Variants in STRBP observed in about 807,000 individuals in gnomAD.
The protein encoded by STRBP is spermatid perinuclear RNA binding protein, also known as spermatid perinuclear RNA-binding protein.
In STRBP, 13 loss-of-function variants were observed where a neutral mutation model predicts 80.1. That is an observed-to-expected ratio of 0.16 (90% CI 0.11 to 0.26). The LOEUF (loss-of-function observed/expected upper bound fraction) is 0.26, where lower values mean the gene tolerates loss of function less well. STRBP is among the 10% of genes least tolerant of loss of function. STRBP has a pLI of 1.00. For missense variants in STRBP, 485 were observed against 815.2 expected, an observed-to-expected ratio of 0.59 and a Z score of 4.93; for synonymous variants, 284 against 291.2, an observed-to-expected ratio of 0.98 and a Z score of 0.25.
intron 1 of STRBP, among the ~76,000 whole-genome samples, chr9:123,243,265 CAAAAAAAA>C (rs1160280485): frequency 9.5e-4 from 75 of 78,934 alleles, no homozygotes; most frequent in South Asian, 3.2e-3. Flanking sequence ...ATCAATAAGA[CAAAAAAAA>C]AAAAAAAAAA....
chr9:123,235,009 T>A (rs1477519204), intron 2 of STRBP, among the ~76,000 whole-genome samples: 24 of 90,062 alleles, frequency 2.7e-4, no homozygotes, highest in African/African-American at 5.0e-4. Context: ...GGGGGGGGGG[T>A]ACTGGGTATT....
intron 2 of STRBP, among the ~76,000 whole-genome samples, chr9:123,208,817 A>G (rs2039611322): frequency 6.6e-6 from 1 of 152,136 alleles, no homozygotes; most frequent in African/African-American, 2.4e-5. Context: ...CCCATCATGG[A>G]CAGCCCAACA....
At position 123,110,188 on chromosome 9, in the gene STRBP, G is replaced by A. The variant is rs1270585914; in HGVS notation, c.*85-435C>T. 1 of 152,300 alleles carries A rather than the reference G, an allele frequency of 6.6e-6. No individual in the cohort carries two copies. Among genetic ancestry groups the A allele is most frequent in the Non-Finnish European group, 1.5e-5 (1 of 68,162 alleles). 9.4% of individuals were successfully genotyped at this position (152,300 alleles called of 1,614,324 possible). ...GCTGCACCTCCCACCTTCCCAGACA[G>A]AGTTCTGCTTGGAGCCGCTGAGAAG... On this transcript the variant is annotated intron_variant and NMD_transcript_variant, in intron 3 of 3. Transcript: ENST00000471564. The surrounding 1 kb of genome is among the most constrained non-coding windows in gnomAD (Gnocchi z 4.1).
chr9:123,224,860 A>G (rs1456015674), intron 2 of STRBP, among the ~76,000 whole-genome samples: 1 of 152,216 alleles, frequency 6.6e-6, no homozygotes, highest in Non-Finnish European at 1.5e-5. Flanking sequence ...GTTTCACTCC[A>G]TGTTACATAC....
At chr9:123,217,869 C>G (rs1407480527) in intron 2 of STRBP, among the ~76,000 whole-genome samples, 1 of 152,218 alleles carries the variant, frequency 6.6e-6, no homozygotes, top group African/African-American at 2.4e-5. Context: ...GATTAATGAG[C>G]CTTCACTTAA....
At position 123,179,165 on chromosome 9, in the gene STRBP, A is replaced by G; in HGVS notation, c.66T>C (p.Tyr22=). The part of the protein sequence containing the change: ...RHVMVKHSTI[Y]PSPEELEAVQ... ...CAGCTTCAAGTTCCTCCGGAGATGGATAGATTGTTGAATGTTTCACCATAA... is the reference window on the plus strand; with the variant it reads ...CAGCTTCAAGTTCCTCCGGAGATGGGTAGATTGTTGAATGTTTCACCATAA... The change falls in exon 4 of 19, where the codon TAT becomes TAC. Residue 22 remains tyrosine (Y), a synonymous_variant. Coordinates refer to ENST00000348403, the MANE Select transcript of STRBP (RefSeq NM_018387.5). 4.3e-6 allele frequency: 7 copies of G among 1,613,452 alleles called. No homozygotes were observed. Among genetic ancestry groups the G allele is most frequent in the Non-Finnish European group, 5.1e-6 (6 of 1,179,386 alleles).
chr9:123,264,986 A>T (rs1467968846), intron 1 of STRBP, among the ~76,000 whole-genome samples: 2 of 152,216 alleles, frequency 1.3e-5, no homozygotes, highest in Non-Finnish European at 2.9e-5. Flanking sequence ...ATTCTCTGCC[A>T]AAAAGCAAAT....
chr9:123,168,680 A>G (rs1387252070), intron 6 of STRBP, among the ~76,000 whole-genome samples: 1 of 152,206 alleles, frequency 6.6e-6, no homozygotes, highest in Non-Finnish European at 1.5e-5. Flanking sequence ...AGCAACAGGG[A>G]GTCCCCACTG....
chr9:123,258,325 GGGAAAGGTT>G (rs2041080204), intron 1 of STRBP, among the ~76,000 whole-genome samples: 1 of 152,152 alleles, frequency 6.6e-6, no homozygotes, highest in South Asian at 2.1e-4. Context: ...AAAAGAGGAT[GGGAAAGGTT>G]GGGTAAGGAG....
intron 13 of STRBP, among the ~76,000 whole-genome samples, chr9:123,141,835 G>T (rs1361467699): frequency 6.6e-6 from 1 of 152,152 alleles, no homozygotes; most frequent in Non-Finnish European, 1.5e-5. Flanking sequence ...CATTTTTTAT[G>T]AACAGTTATT....
chr9:123,149,657 G>C (rs539996207), intron 11 of STRBP, among the ~76,000 whole-genome samples: 4 of 152,296 alleles, frequency 2.6e-5, no homozygotes, highest in Non-Finnish European at 5.9e-5. Flanking sequence ...ACAATATCTA[G>C]TGATGAGAAG....
chr9:123,138,260 C>T (rs2036443713), intron 14 of STRBP, among the ~76,000 whole-genome samples: 2 of 152,158 alleles, frequency 1.3e-5, no homozygotes. Context: ...ATTAATGAGC[C>T]CTTTTTTCTT....
intron 1 of STRBP, among the ~76,000 whole-genome samples, chr9:123,259,828 A>T (rs1161426112): frequency 6.6e-6 from 1 of 152,236 alleles, no homozygotes; most frequent in African/African-American, 2.4e-5. Flanking sequence ...TAGGTAGAAA[A>T]ACCAGCAATC....
rs1311889223 is a variant in STRBP, at chr9:123,125,459, CA to C, written c.*137del. The C allele has an allele frequency of 8.0e-7, 1 of 1,250,092 alleles. No homozygotes were observed. Among genetic ancestry groups the C allele is most frequent in the East Asian group, 3.2e-5 (1 of 30,994 alleles). The allele number at this position is 1,250,092 out of a possible 1,614,324, so 77.4% of individuals were successfully genotyped here. A position where few individuals can be genotyped will look rare whatever the true frequency, so the allele number is the denominator to read the frequency against. ...GAACTAAATTTGCATTTGTTAAAATCAAAAAGTAGGAAAGATGTTCTTTACA... is the reference window on the plus strand; with the variant it reads ...GAACTAAATTTGCATTTGTTAAAATCAAAAGTAGGAAAGATGTTCTTTACA... On this transcript the variant is annotated 3_prime_UTR_variant, in exon 19 of 19. Coordinates refer to ENST00000348403, the MANE Select transcript of STRBP (RefSeq NM_018387.5).
In STRBP at chr9:123,115,226, C is replaced by T. The variant is rs1045523602; in HGVS notation, c.*84+703G>A. ...TCTCTCTGTGCATGCATGCCAGGCC[C>T]GCCTCTGACTCCCCTCCTGGGGATC... On this transcript the variant is annotated intron_variant and NMD_transcript_variant, in intron 3 of 3. Transcript: ENST00000471564. The surrounding 1 kb of genome is among the most constrained non-coding windows in gnomAD (Gnocchi z 5.0). The T allele has an allele frequency of 6.4e-6, 3 of 471,082 alleles. No individual in the cohort carries two copies. The highest frequency in any genetic ancestry group is 1.5e-5 in the South Asian group (1 of 64,574). 29.2% of individuals were successfully genotyped at this position (471,082 alleles called of 1,614,324 possible). A position where few individuals can be genotyped will look rare whatever the true frequency, so the allele number is the denominator to read the frequency against.
rs202158302 is a variant in STRBP at position 123,214,147 on chromosome 9, C to T, written c.-165+22683G>A. Among the ~76,000 whole-genome samples the T allele has an allele frequency of 9.9e-5, 6 of 60,836 alleles. No homozygotes were observed. In the South Asian group the frequency reaches 1.1e-3, roughly 11 times the overall value. The allele number at this position is 60,836 out of a possible 152,430, so 39.9% of individuals were successfully genotyped here. On this transcript the variant is annotated intron_variant, in intron 2 of 18. Coordinates refer to ENST00000348403, the MANE Select transcript of STRBP (RefSeq NM_018387.5). Reference sequence around the variant, plus strand: ...TGGTGTATATATATATATATGTATACACACACACACACACACACACACACA... The same window carrying T: ...TGGTGTATATATATATATATGTATATACACACACACACACACACACACACA...
intron 2 of STRBP, among the ~76,000 whole-genome samples, chr9:123,232,974 C>CT (rs2040439529): frequency 6.6e-6 from 1 of 152,224 alleles, no homozygotes; most frequent in South Asian, 2.1e-4. Context: ...ACTCATCTCT[C>CT]TATCTGCAAG....
intron 3 of STRBP, chr9:123,111,693 A>G (rs1233438210): frequency 4.4e-6 from 2 of 457,802 alleles, no homozygotes; most frequent in East Asian, 1.4e-4. Flanking sequence ...GACAGGCTGC[A>G]TTCTCTTTAC....
chr9:123,263,564 A>C (rs1390720032), intron 1 of STRBP, among the ~76,000 whole-genome samples: 1 of 151,006 alleles, frequency 6.6e-6, no homozygotes, highest in Non-Finnish European at 1.5e-5. Context: ...TGCTATTTAC[A>C]TTTTTGCTGT....
Sources: allele counts gnomAD v4.1 joint callset (sites outside exome capture counted in the v4.1 genomes callset), GRCh38; gene constraint gnomAD v4.1.1; non-coding constraint Gnocchi (gnomAD v3.1); transcripts MANE v1.5; gene names NCBI Gene and HGNC (gene_info 2026-07-23, HGNC 2026-07-21).